The following KAZN variants were observed in gnomAD, a reference collection of about 807,000 sequenced individuals.
The protein encoded by KAZN is kazrin, periplakin interacting protein.
A neutral mutation model predicts 87.4 loss-of-function variants in KAZN; 40 were observed. The ratio of observed to expected loss-of-function variants is 0.46; its 90% CI spans 0.36 to 0.60. The LOEUF is 0.60. Among genes scored for constraint, KAZN ranks in the 20% least tolerant of loss-of-function variants. The pLI is 0.00. For missense variants in KAZN, 898 were observed against 1,073.9 expected, an observed-to-expected ratio of 0.84 and a Z score of 2.29; for synonymous variants, 466 against 458.3, an observed-to-expected ratio of 1.02 and a Z score of -0.22.
At chr1:14,183,475 A>T (rs189946380) in intron 2 of KAZN, among the ~76,000 whole-genome samples, 42 of 152,194 alleles carry the variant, frequency 2.8e-4, no homozygotes, top group African/African-American at 9.9e-4. Context: ...CCCAAATTCA[A>T]TGGAGTCTGC....
At chr1:14,345,461 C>A (rs1250647484) in intron 2 of KAZN, among the ~76,000 whole-genome samples, 1 of 150,190 alleles carries the variant, frequency 6.7e-6, no homozygotes, top group African/African-American at 2.5e-5. Context: ...GAATTAATTT[C>A]AATAGCATAT....
chr1:14,248,456 G>A (rs1649712283), intron 2 of KAZN, among the ~76,000 whole-genome samples: 1 of 152,202 alleles, frequency 6.6e-6, no homozygotes, highest in Admixed American at 6.5e-5. Flanking sequence ...AAGAAGAATC[G>A]GACAGCTCCA....
intron 2 of KAZN, among the ~76,000 whole-genome samples, chr1:14,275,893 G>A (rs1303766011): frequency 2.0e-5 from 3 of 152,190 alleles, no homozygotes; most frequent in Non-Finnish European, 4.4e-5. Context: ...TCAGGGCATA[G>A]AGTGGATTCT....
intron 2 of KAZN, among the ~76,000 whole-genome samples, chr1:14,509,332 G>C (rs1398640755): frequency 6.6e-6 from 1 of 152,206 alleles, no homozygotes; most frequent in Admixed American, 6.5e-5. Flanking sequence ...CAAAGAGGAA[G>C]TGACTTAGCT....
At chr1:14,792,906 G>T (rs1222910334) in intron 1 of KAZN, among the ~76,000 whole-genome samples, 5 of 151,628 alleles carry the variant, frequency 3.3e-5, no homozygotes, top group Admixed American at 6.6e-5. Context: ...AACCCAGGAG[G>T]TGGAGGTTGC....
chr1:14,418,930 GACC>G (rs1477014181), intron 2 of KAZN, among the ~76,000 whole-genome samples: 1 of 152,170 alleles, frequency 6.6e-6, no homozygotes, highest in East Asian at 1.9e-4. Context: ...GGTTTGTGGG[GACC>G]ACCTCGGCAC....
intron 1 of KAZN, among the ~76,000 whole-genome samples, chr1:14,669,290 G>A (rs540853468): frequency 6.6e-6 from 1 of 152,128 alleles, no homozygotes; most frequent in African/African-American, 2.4e-5. Flanking sequence ...AGTGCTCTGG[G>A]TTGCTATTAG....
chr1:14,747,339 C>T (rs1040008064), intron 1 of KAZN, among the ~76,000 whole-genome samples: 12 of 152,176 alleles, frequency 7.9e-5, no homozygotes, highest in South Asian at 4.2e-4. Flanking sequence ...TGCAGTGACA[C>T]GCTTTCAGCT....
intron 2 of KAZN, among the ~76,000 whole-genome samples, chr1:15,007,217 T>C (rs1188049453): frequency 3.3e-5 from 5 of 152,124 alleles, no homozygotes; most frequent in Admixed American, 3.3e-4. Flanking sequence ...GCAACAACTC[T>C]GAGAGTCAGC....
intron 1 of KAZN, among the ~76,000 whole-genome samples, chr1:14,701,506 C>T (rs1641919401): frequency 6.6e-6 from 1 of 152,206 alleles, no homozygotes; most frequent in South Asian, 2.1e-4. Flanking sequence ...ACAAGAGAGG[C>T]ACAGAGCTGG....
intron 8 of KAZN, 82 bp downstream of exon 8, chr1:15,065,835 T>C (rs1407927047): frequency 6.3e-7 from 1 of 1,582,010 alleles, no homozygotes; most frequent in Non-Finnish European, 8.6e-7. Context: ...CAGGCGTGTC[T>C]GTGCGTGTGG....
rs767693146 is a variant in KAZN at position 14,697,159 on chromosome 1, A to AG, written c.226+97936_226+97937insG. ...AACCAACAAAAAAAAAAAAAAAAAG[A>AG]AAAGAAAAGAAAAGAAATAATTGAC... On this transcript the variant is annotated intron_variant, in intron 1 of 14. Transcript: ENST00000376030. 2.5e-3 allele frequency among the ~76,000 whole-genome samples: 335 copies of AG among 135,074 alleles called. 6 individuals carry two copies. Among genetic ancestry groups the AG allele is most frequent in the Middle Eastern group, 0.015 (4 of 262 alleles). The allele number at this position is 135,074 out of a possible 152,430, so 88.6% of individuals were successfully genotyped here.
intron 1 of KAZN, among the ~76,000 whole-genome samples, chr1:14,876,598 C>G (rs2101081349): frequency 6.6e-6 from 1 of 152,294 alleles, no homozygotes; most frequent in South Asian, 2.1e-4. Context: ...CTGCCCCTTA[C>G]CAGCTCTGTG....
rs76124857 is a variant in KAZN at position 14,919,627 on chromosome 1, T to C, written c.227-41057T>C. On this transcript the variant is annotated intron_variant, in intron 1 of 14. Coordinates refer to ENST00000376030, the MANE Select transcript of KAZN (RefSeq NM_201628.3). ...CAGGAATCAAGAGTTTACTGCTTTG[T>C]CTTAGCTAAAGGTGTTTGGAGATAG... 4.4e-3 allele frequency among the ~76,000 whole-genome samples: 677 copies of C among 152,330 alleles called. 6 individuals are homozygous for C. Among genetic ancestry groups the C allele is most frequent in the African/African-American group, 0.015 (631 of 41,562 alleles).
intron 2 of KAZN, among the ~76,000 whole-genome samples, chr1:14,289,544 T>A (rs558496005): frequency 3.9e-5 from 6 of 152,184 alleles, no homozygotes; most frequent in Non-Finnish European, 7.3e-5. Context: ...TTGGCAGATC[T>A]TCTTCTATCC....
chr1:14,183,353 G>T (rs1203016222), intron 2 of KAZN, among the ~76,000 whole-genome samples: 1 of 152,164 alleles, frequency 6.6e-6, no homozygotes, highest in Admixed American at 6.5e-5. Flanking sequence ...CACATGGGTA[G>T]CCCAGAAAGC....
rs770483349 is a variant in KAZN at position 14,629,506 on chromosome 1, C to G, written c.226+30283C>G. Among the ~76,000 whole-genome samples, 231 of 152,330 alleles carry G rather than the reference C, an allele frequency of 1.5e-3. 6 individuals carry two copies. Among genetic ancestry groups the G allele is most frequent in the South Asian group, 1.7e-3 (8 of 4,830 alleles). ...CTCGCAGGCTGCGAGCACCCCAGCACGGCCCATGCAGCAACTCGGGTGAGG... is the reference window on the plus strand; with the variant it reads ...CTCGCAGGCTGCGAGCACCCCAGCAGGGCCCATGCAGCAACTCGGGTGAGG... On this transcript the variant is annotated intron_variant, in intron 1 of 14. Coordinates refer to ENST00000376030, the MANE Select transcript of KAZN (RefSeq NM_201628.3).
At chr1:14,914,863 A>ACTGGTACTTACATAGTT (rs1325572781) in intron 1 of KAZN, among the ~76,000 whole-genome samples, 4 of 152,226 alleles carry the variant, frequency 2.6e-5, no homozygotes, top group Admixed American at 6.5e-5. Context: ...CTTACATAGT[A>ACTGGTACTTACATAGTT]CTGGTACTTA....
chr1:15,068,329 C>T (rs1019036825), intron 8 of KAZN, among the ~76,000 whole-genome samples: 14 of 151,974 alleles, frequency 9.2e-5, no homozygotes, highest in South Asian at 2.1e-4. Flanking sequence ...GGGGCCGAGC[C>T]GGGGTAGCCT....
Sources: gnomAD v4.1 joint callset for allele counts (sites outside exome capture counted in the v4.1 genomes callset) on GRCh38, gnomAD v4.1.1 for gene constraint, MANE v1.5 for transcripts, NCBI Gene and HGNC (gene_info 2026-07-23, HGNC 2026-07-21) for gene names.